ABCA5: variants seen among roughly 807,000 people sequenced by gnomAD.
ABCA5 encodes cholesterol transporter ABCA5.
Under a neutral mutation model 206.0 loss-of-function variants are expected in ABCA5, and 163 were observed. The observed-to-expected ratio is 0.79, with a 90% confidence interval of 0.70 to 0.90. ABCA5 has a LOEUF of 0.90. Ranked by LOEUF, ABCA5 falls within the 40% of genes least tolerant of loss-of-function variation. ABCA5 has a pLI of 0.00. For synonymous variants in ABCA5, 609 were observed against 613.8 expected, an observed-to-expected ratio of 0.99 and a Z score of 0.11; for missense variants, 1,859 against 1,912.9, an observed-to-expected ratio of 0.97 and a Z score of 0.53.
chr17:69,278,345 C>A (rs1046597918), intron 18 of ABCA5, among the ~76,000 whole-genome samples: 2 of 152,212 alleles, frequency 1.3e-5, no homozygotes, highest in Admixed American at 6.6e-5. Flanking sequence ...AACTTTTCCT[C>A]TCTGACCACA....
At chr17:69,303,800 A>T (rs1195246707) in intron 7 of ABCA5, among the ~76,000 whole-genome samples, 1 of 7,442 alleles carries the variant, frequency 1.3e-4, no homozygotes, top group Non-Finnish European at 3.0e-3. Flanking sequence ...ATATATATAT[A>T]TATATATACA....
chr17:69,258,339 C>G (rs1256676089), intron 28 of ABCA5, among the ~76,000 whole-genome samples: 1 of 152,130 alleles, frequency 6.6e-6, no homozygotes, highest in African/African-American at 2.4e-5. Flanking sequence ...ACTCCACAGC[C>G]ATAAATAGAA....
chr17:69,263,486 G>A (rs1171143272), intron 24 of ABCA5, among the ~76,000 whole-genome samples: 3 of 152,006 alleles, frequency 2.0e-5, no homozygotes, highest in Non-Finnish European at 2.9e-5. Flanking sequence ...TGAACACAGA[G>A]TCCTTTCCTA....
chr17:69,266,632 T>C lies in ABCA5; in HGVS notation c.3144+1311A>G, dbSNP rs1225106558. 3.4e-5 allele frequency among the ~76,000 whole-genome samples: 5 copies of C among 147,786 alleles called. No individual in the cohort carries two copies. In the East Asian group the frequency reaches 9.8e-4, roughly 29 times the overall value. ...AATAAATAAAAATAAAAAATTTATATTGGAAAAAAAATGTTTCAGTTGAAA... is the reference window on the plus strand; with the variant it reads ...AATAAATAAAAATAAAAAATTTATACTGGAAAAAAAATGTTTCAGTTGAAA... On this transcript the variant is annotated intron_variant, in intron 23 of 38. Transcript: ENST00000392676.
chr17:69,244,464 T>C lies in ABCA5; in HGVS notation c.*3073A>G, dbSNP rs1185988666. ...ATTATTAATATAATCATATTTATTT[T>C]TCTTAAAGAGCAGCATTGAGAATTG... On this transcript the variant is annotated 3_prime_UTR_variant, in exon 39 of 39. Transcript: ENST00000392676. 4.0e-5 allele frequency: 6 copies of C among 151,840 alleles called. No individual in the cohort carries two copies. Among genetic ancestry groups the C allele is most frequent in the Non-Finnish European group, 7.4e-5 (5 of 67,874 alleles). 9.4% of individuals were successfully genotyped at this position (151,840 alleles called of 1,614,324 possible).
At chr17:69,249,778 T>A in intron 37 of ABCA5, 127 bp downstream of exon 37, 1 of 1,254,162 alleles carries the variant, frequency 8.0e-7, no homozygotes, top group Non-Finnish European at 1.1e-6. Context: ...AATTCTTTCA[T>A]AATTTGAGAG....
At chr17:69,251,958 G>C in intron 34 of ABCA5, 92 bp from the exon 35 acceptor site, 2 of 1,393,948 alleles carry the variant, frequency 1.4e-6, no homozygotes, top group Non-Finnish European at 2.0e-6. Flanking sequence ...GGTTAATTAA[G>C]TTAATTAAAA....
At chr17:69,300,795 A>T (rs1321306234) in intron 9 of ABCA5, among the ~76,000 whole-genome samples, 1 of 152,158 alleles carries the variant, frequency 6.6e-6, no homozygotes, top group African/African-American at 2.4e-5. Flanking sequence ...CAGGAGATAA[A>T]GAAAATGGTA....
At chr17:69,318,185 C>G (rs773226025) in intron 1 of ABCA5, among the ~76,000 whole-genome samples, 4 of 151,662 alleles carry the variant, frequency 2.6e-5, no homozygotes, top group Non-Finnish European at 4.4e-5. Context: ...AGTCTCGGCT[C>G]CTGGGTTCAA....
Position 69,272,511 on chromosome 17 carries a change from T to TA in ABCA5, c.2765-1223dup, listed in dbSNP as rs577835108. On this transcript the variant is annotated intron_variant, in intron 20 of 38. Coordinates refer to ENST00000392676, the MANE Select transcript of ABCA5 (RefSeq NM_172232.4). The stretch of plus-strand genomic sequence containing the variant: ...GATATGATTTGAATCCAAGTTCCTT[T>TA]AAAAAAAAAAGAAATATTTGAGATA... 8.7e-3 allele frequency among the ~76,000 whole-genome samples: 1,293 copies of TA among 148,054 alleles called. 20 individuals are homozygous for TA. Among genetic ancestry groups the TA allele is most frequent in the African/African-American group, 0.03 (1,195 of 40,472 alleles).
At chr17:69,274,341 C>A (rs2075307410) in intron 19 of ABCA5, among the ~76,000 whole-genome samples, 1 of 151,624 alleles carries the variant, frequency 6.6e-6, no homozygotes, top group Non-Finnish European at 1.5e-5. Flanking sequence ...CCCTCACCAT[C>A]CCAAATAGCT....
chr17:69,289,052 CATA>C (rs1295423763), intron 14 of ABCA5, 122 bp downstream of exon 14: 56 of 896,990 alleles, frequency 6.2e-5, no homozygotes, highest in Non-Finnish European at 6.5e-5. Context: ...TGATTATATC[CATA>C]ATAACATACA....
At chr17:69,285,606 T>A (rs1041935226) in intron 17 of ABCA5, among the ~76,000 whole-genome samples, 7 of 151,712 alleles carry the variant, frequency 4.6e-5, no homozygotes, top group Non-Finnish European at 8.8e-5. Flanking sequence ...ACAAGCAATT[T>A]CTTTTTTTTC....
chr17:69,321,597 A>G (rs1013891061), intron 1 of ABCA5, among the ~76,000 whole-genome samples: 1 of 152,198 alleles, frequency 6.6e-6, no homozygotes, highest in African/African-American at 2.4e-5. Context: ...CTAAATGGCA[A>G]TATCTAGGAG....
intron 20 of ABCA5, among the ~76,000 whole-genome samples, chr17:69,271,846 C>T (rs1203346170): frequency 6.6e-6 from 1 of 152,128 alleles, no homozygotes; most frequent in Non-Finnish European, 1.5e-5. Context: ...AGGCTCTGGG[C>T]AGACATGTCA....
At chr17:69,271,714 C>A (rs1175878572) in intron 20 of ABCA5, among the ~76,000 whole-genome samples, 1 of 152,090 alleles carries the variant, frequency 6.6e-6, no homozygotes, top group Non-Finnish European at 1.5e-5. Flanking sequence ...TAACCTATAA[C>A]ACATGAAATT....
Position 69,261,753 on chromosome 17 carries a change from A to C in ABCA5, c.3316-5T>G. On this transcript the variant is annotated splice_region_variant and splice_polypyrimidine_tract_variant and intron_variant, in intron 24 of 38. Transcript: ENST00000392676. ...ATAACCAATAAGGCAAAAAACCTGT[A>C]AATCAGAAATATGTTTCTATAAAAA... 8.0e-7 allele frequency: 1 copy of C among 1,248,674 alleles called. No homozygotes were observed. Among genetic ancestry groups the C allele is most frequent in the South Asian group, 1.6e-5 (1 of 61,806 alleles). The allele number at this position is 1,248,674 out of a possible 1,614,324, so 77.3% of individuals were successfully genotyped here.
intron 19 of ABCA5, 136 bp from the exon 20 acceptor site, chr17:69,274,264 G>T: frequency 1.3e-6 from 1 of 776,426 alleles, no homozygotes; most frequent in Non-Finnish European, 1.9e-6. Flanking sequence ...TGTCACCCAG[G>T]CTGGAGTGTA....
At chr17:69,311,373 A>G (rs1375927533) in intron 3 of ABCA5, among the ~76,000 whole-genome samples, 1 of 152,138 alleles carries the variant, frequency 6.6e-6, no homozygotes, top group Non-Finnish European at 1.5e-5. Flanking sequence ...ACCCATTTTC[A>G]GATAGTTCTG....
Sources: gnomAD v4.1 joint callset for allele counts (sites outside exome capture counted in the v4.1 genomes callset) on GRCh38, gnomAD v4.1.1 for gene constraint, MANE v1.5 for transcripts, NCBI Gene and HGNC (gene_info 2026-07-23, HGNC 2026-07-21) for gene names.